SGCD: variants seen among roughly 807,000 people sequenced by gnomAD.
The protein encoded by SGCD is delta-sarcoglycan.
SGCD carries 18 observed loss-of-function variants against 36.6 expected under a neutral mutation model. That is an observed-to-expected ratio of 0.49 (90% CI 0.34 to 0.73). SGCD has a LOEUF of 0.73. Among genes scored for constraint, SGCD ranks in the 30% least tolerant of loss-of-function variants. The pLI, the probability that SGCD is intolerant of heterozygous loss-of-function variation, is 0.01. For missense variants in SGCD, 387 were observed against 346.7 expected, an observed-to-expected ratio of 1.12 and a Z score of -0.92; for synonymous variants, 133 against 130.6, an observed-to-expected ratio of 1.02 and a Z score of -0.12.
At chr5:156,185,549 T>G (rs998558364) in intron 3 of SGCD, among the ~76,000 whole-genome samples, 1 of 151,894 alleles carries the variant, frequency 6.6e-6, no homozygotes, top group African/African-American at 2.4e-5. Context: ...ATCCCCCTCC[T>G]TTTTTCAACT....
At chr5:155,915,060 T>C (rs568191066) in intron 1 of SGCD, among the ~76,000 whole-genome samples, 2 of 152,230 alleles carry the variant, frequency 1.3e-5, no homozygotes, top group African/African-American at 4.8e-5. Flanking sequence ...TCAGGAGAAA[T>C]AGAAGATGCA....
chr5:155,840,428 T>G, the SGCD span, among the ~76,000 whole-genome samples: 22 of 144,254 alleles, frequency 1.5e-4, no homozygotes, highest in South Asian at 4.0e-3. Context: ...TTTTTTTTTG[T>G]ATTTTTAGTA....
At chr5:155,752,557 A>G in the SGCD span, among the ~76,000 whole-genome samples, 1 of 152,158 alleles carries the variant, frequency 6.6e-6, no homozygotes, top group African/African-American at 2.4e-5. Flanking sequence ...TTGCCCTTCC[A>G]GTTACTTCCC....
chr5:156,249,057 T>G (rs1765510620), intron 3 of SGCD, among the ~76,000 whole-genome samples: 1 of 152,212 alleles, frequency 6.6e-6, no homozygotes, highest in Non-Finnish European at 1.5e-5. Flanking sequence ...AATTAAAGAT[T>G]TAAAGATGCC....
chr5:155,755,268 AAG>A, the SGCD span, among the ~76,000 whole-genome samples: 2 of 152,218 alleles, frequency 1.3e-5, no homozygotes, highest in Non-Finnish European at 1.5e-5. Flanking sequence ...TTAAAACAAA[AAG>A]ATTAGTAATT....
At chr5:155,946,234 T>G (rs1430454767) in intron 1 of SGCD, among the ~76,000 whole-genome samples, 1 of 152,166 alleles carries the variant, frequency 6.6e-6, no homozygotes, top group Non-Finnish European at 1.5e-5. Flanking sequence ...GTGTTAGGTG[T>G]TGTGCATATT....
the SGCD span, among the ~76,000 whole-genome samples, chr5:155,752,120 C>A: frequency 6.6e-6 from 1 of 152,152 alleles, no homozygotes; most frequent in Non-Finnish European, 1.5e-5. Flanking sequence ...AATATCTTAG[C>A]CAAAATGACC....
At chr5:156,499,690 A>G (rs1182877830) in intron 3 of SGCD, among the ~76,000 whole-genome samples, 2 of 152,216 alleles carry the variant, frequency 1.3e-5, no homozygotes, top group East Asian at 1.9e-4. Context: ...TCTGTGACAG[A>G]GTGAAGGGAG....
At chr5:155,926,200 T>A (rs574567044) in intron 1 of SGCD, among the ~76,000 whole-genome samples, 13 of 152,282 alleles carry the variant, frequency 8.5e-5, no homozygotes, top group African/African-American at 3.1e-4. Flanking sequence ...ACTGTATGGA[T>A]GAGAATTTTT....
At chr5:156,324,854 C>T (rs191206810), upstream of SGCD, among the ~76,000 whole-genome samples, 3 of 152,192 alleles carry the variant, frequency 2.0e-5, no homozygotes, top group Non-Finnish European at 2.9e-5. Flanking sequence ...TGGAACCCCA[C>T]GTAGAAGTCT....
intron 4 of SGCD, among the ~76,000 whole-genome samples, chr5:156,509,072 G>A (rs181256141): frequency 3.3e-5 from 5 of 152,316 alleles, no homozygotes; most frequent in Admixed American, 1.3e-4. Flanking sequence ...CAGAACTGAA[G>A]AACTAGAATT....
chr5:156,414,781 T>G (rs1772941551), intron 3 of SGCD, among the ~76,000 whole-genome samples: 1 of 152,226 alleles, frequency 6.6e-6, no homozygotes, highest in Admixed American at 6.5e-5. Flanking sequence ...TACCAGACTG[T>G]TTCATGATCC....
At chr5:156,522,804 TA>T (rs1372084830) in intron 4 of SGCD, among the ~76,000 whole-genome samples, 1 of 150,918 alleles carries the variant, frequency 6.6e-6, no homozygotes, top group East Asian at 2.0e-4. Context: ...AAATCCTGTG[TA>T]AATGTTGGTT....
the SGCD span, among the ~76,000 whole-genome samples, chr5:155,829,029 G>T: frequency 2.6e-5 from 4 of 151,856 alleles, no homozygotes; most frequent in East Asian, 7.7e-4. Flanking sequence ...TGCATGGTTC[G>T]GTCCTAATGG....
intron 3 of SGCD, among the ~76,000 whole-genome samples, chr5:156,200,460 A>C (rs538237397): frequency 9.5e-4 from 145 of 152,298 alleles, no homozygotes; most frequent in African/African-American, 3.4e-3. Flanking sequence ...CTGGATATAC[A>C]CATGGAAAAG....
In SGCD at chr5:156,610,072, G is replaced by T. The variant is rs1040756848; in HGVS notation, c.502+15021G>T. On this transcript the variant is annotated intron_variant, in intron 6 of 8. Transcript: ENST00000337851. Reference sequence around the variant, plus strand: ...TCAAAGTCATTCTCCGTCTAGCTTTGTTCCATTGCTGGTGAGGATCTGCAT... The same window carrying T: ...TCAAAGTCATTCTCCGTCTAGCTTTTTTCCATTGCTGGTGAGGATCTGCAT... 2.6e-5 allele frequency among the ~76,000 whole-genome samples: 4 copies of T among 152,194 alleles called. No individual in the cohort carries two copies. The East Asian group carries it at 7.7e-4, about 29-fold the overall frequency.
chr5:156,619,615 A>G (rs1036808807), intron 6 of SGCD, among the ~76,000 whole-genome samples: 1 of 152,240 alleles, frequency 6.6e-6, no homozygotes, highest in South Asian at 2.1e-4. Flanking sequence ...TACCACCAAC[A>G]GTTACCTGAG....
At chr5:156,473,130 T>C (rs1755040686) in intron 3 of SGCD, among the ~76,000 whole-genome samples, 2 of 152,204 alleles carry the variant, frequency 1.3e-5, no homozygotes, top group Admixed American at 1.3e-4. Flanking sequence ...TGAGTGACTA[T>C]TTCAGCCGTT....
rs540546598 is a variant in SGCD, at chr5:156,463,439, A to G, written c.193-45162A>G. On this transcript the variant is annotated intron_variant, in intron 3 of 8. Transcript: ENST00000337851. Reference sequence around the variant, plus strand: ...GGCTTTCAAGCACTGATAAATTTGTAATAAAGTTCTATGGGATTTAGGCTT... The same window carrying G: ...GGCTTTCAAGCACTGATAAATTTGTGATAAAGTTCTATGGGATTTAGGCTT... 1.8e-3 allele frequency among the ~76,000 whole-genome samples: 267 copies of G among 152,252 alleles called. 3 individuals are homozygous for G. The highest frequency in any genetic ancestry group is 6.3e-3 in the African/African-American group (261 of 41,554).
Sources: gnomAD v4.1 joint callset for allele counts (sites outside exome capture counted in the v4.1 genomes callset) on GRCh38, gnomAD v4.1.1 for gene constraint, MANE v1.5 for transcripts, NCBI Gene and HGNC (gene_info 2026-07-23, HGNC 2026-07-21) for gene names.